SKIC3: variants seen among roughly 807,000 people sequenced by gnomAD.
The protein encoded by SKIC3 is SKI3 subunit of superkiller complex, also known as superkiller complex protein 3.
At chr5:95,537,858 A>G in the SKIC3 span, among the ~76,000 whole-genome samples, 45 of 152,202 alleles carry the variant, frequency 3.0e-4, no homozygotes, top group Non-Finnish European at 3.7e-4. Flanking sequence ...ATGTAATTCA[A>G]TATCTCAAAT....
the SKIC3 span, among the ~76,000 whole-genome samples, chr5:95,511,088 AAAAG>A: frequency 5.3e-5 from 8 of 152,318 alleles, no homozygotes; most frequent in African/African-American, 1.7e-4. Context: ...TTAAAGTCAC[AAAAG>A]AAAGAGTCAA....
the SKIC3 span, among the ~76,000 whole-genome samples, chr5:95,545,082 AAT>A: frequency 1.3e-5 from 2 of 152,232 alleles, no homozygotes; most frequent in Admixed American, 1.3e-4. Flanking sequence ...CTCTAGTATA[AAT>A]TATTAACTAT....
At chr5:95,523,839 G>T in the SKIC3 span, 1 of 1,612,024 alleles carries the variant, frequency 6.2e-7, no homozygotes, top group South Asian at 1.1e-5. Context: ...TGCAGCCTTT[G>T]AAATAAATAT....
chr5:95,519,085 A>C, the SKIC3 span, among the ~76,000 whole-genome samples: 1 of 134,352 alleles, frequency 7.4e-6, no homozygotes, highest in East Asian at 2.0e-4. Flanking sequence ...CCCTGAGACC[A>C]AAAAAAAAAA....
At chr5:95,533,084 C>A in the SKIC3 span, among the ~76,000 whole-genome samples, 1 of 151,882 alleles carries the variant, frequency 6.6e-6, no homozygotes, top group Non-Finnish European at 1.5e-5. Context: ...ATTTGAAGAA[C>A]CAAGCTTTTT....
chr5:95,523,560 C>T, the SKIC3 span: 4 of 1,417,786 alleles, frequency 2.8e-6, no homozygotes, highest in Non-Finnish European at 3.8e-6. Flanking sequence ...AGAAAAAAAA[C>T]TAATGATAAC....
chr5:95,497,344 G>T, the SKIC3 span: 1 of 1,294,440 alleles, frequency 7.7e-7, no homozygotes, highest in Non-Finnish European at 1.1e-6. Flanking sequence ...TAATGCCATA[G>T]TTTAAAATTA....
At chr5:95,524,721 C>CTAATTTGTTGTGGAAATCTTTTTATAAA in the SKIC3 span, 1 of 1,218,768 alleles carries the variant, frequency 8.2e-7, no homozygotes, top group Non-Finnish European at 1.2e-6. Context: ...AGAAACCAAT[C>CTAATTTGTTGTGGAAATCTTTTTATAAA]ATCACTTTAG....
At chr5:95,470,790 A>G in the SKIC3 span, among the ~76,000 whole-genome samples, 1 of 150,706 alleles carries the variant, frequency 6.6e-6, no homozygotes, top group East Asian at 1.9e-4. Flanking sequence ...ATTCTCTCTC[A>G]TATTAGGTAC....
At chr5:95,534,248 T>C in the SKIC3 span, among the ~76,000 whole-genome samples, 3 of 151,956 alleles carry the variant, frequency 2.0e-5, no homozygotes, top group Admixed American at 6.6e-5. Context: ...TTCCTAAGTA[T>C]GCTCCTTGTG....
the SKIC3 span, chr5:95,490,986 TATC>T: frequency 4.3e-6 from 7 of 1,614,006 alleles, no homozygotes; most frequent in Non-Finnish European, 5.1e-6. Context: ...AAGGCCAGTT[TATC>T]ATCAGCGTGA....
At chr5:95,553,360 A>G in the SKIC3 span, among the ~76,000 whole-genome samples, 2 of 152,248 alleles carry the variant, frequency 1.3e-5, no homozygotes, top group African/African-American at 4.8e-5. Flanking sequence ...TATAACTTTT[A>G]TGAATTTAAA....
the SKIC3 span, chr5:95,528,248 T>C: frequency 6.8e-7 from 1 of 1,469,684 alleles, no homozygotes. Flanking sequence ...GCAGATACAA[T>C]AAGCATAAAT....
At chr5:95,519,056 G>A in the SKIC3 span, among the ~76,000 whole-genome samples, 2 of 150,780 alleles carry the variant, frequency 1.3e-5, no homozygotes, top group African/African-American at 2.4e-5. Flanking sequence ...CTGATGATTG[G>A]TGATGTTGAA....
At chr5:95,549,295 T>C in the SKIC3 span, among the ~76,000 whole-genome samples, 1 of 151,954 alleles carries the variant, frequency 6.6e-6, no homozygotes, top group African/African-American at 2.4e-5. Context: ...GCTGAATGGA[T>C]CAGAAGGGAC....
chr5:95,512,495 T>C, the SKIC3 span: 1 of 1,613,960 alleles, frequency 6.2e-7, no homozygotes, highest in East Asian at 2.2e-5. Flanking sequence ...TTATTCAAAA[T>C]AACTTGTGCT....
chr5:95,514,986 GT>G, the SKIC3 span: 1 of 1,504,708 alleles, frequency 6.6e-7, no homozygotes, highest in Non-Finnish European at 9.2e-7. Context: ...AACCGCTTAT[GT>G]TTAAAAAGCA....
chr5:95,518,015 C>G, the SKIC3 span, among the ~76,000 whole-genome samples: 1 of 152,168 alleles, frequency 6.6e-6, no homozygotes, highest in East Asian at 1.9e-4. Flanking sequence ...ATGCCAGCAC[C>G]ATGCTCCTGG....
chr5:95,516,608 G>A, the SKIC3 span: 1 of 1,613,070 alleles, frequency 6.2e-7, no homozygotes, highest in Admixed American at 1.7e-5. Flanking sequence ...AAAACCTGAT[G>A]AAACTGAACT....
Sources: allele counts gnomAD v4.1 joint callset (sites outside exome capture counted in the v4.1 genomes callset), GRCh38; gene constraint gnomAD v4.1.1; transcripts MANE v1.5; gene names NCBI Gene and HGNC (gene_info 2026-07-23, HGNC 2026-07-21).